Variants in RBM24 observed in about 807,000 individuals in gnomAD.
RBM24 encodes RNA-binding protein 24.
RBM24 carries 5 observed loss-of-function variants against 23.6 expected under a neutral mutation model. That is an observed-to-expected ratio of 0.21 (90% confidence interval 0.11 to 0.45). The LOEUF is 0.45. Ranked by LOEUF, RBM24 falls within the 20% of genes least tolerant of loss-of-function variation. The pLI, the probability that RBM24 is intolerant of heterozygous loss-of-function variation, is 0.99. For synonymous variants in RBM24, 151 were observed against 129.5 expected (o/e 1.17, Z -1.13); for missense variants, 252 against 314.6 (o/e 0.80, Z 1.51).
chr6:17,282,178 G>C, intron 1 of RBM24: 1 of 1,278,858 alleles, frequency 7.8e-7, no homozygotes, highest in Non-Finnish European at 1.0e-6. Flanking sequence ...GAGGTCTGGG[G>C]CTGTTGCCCT....
intron 1 of RBM24, chr6:17,282,352 C>G (rs1259569534): frequency 1.2e-6 from 1 of 862,772 alleles, no homozygotes; most frequent in South Asian, 1.4e-5. Flanking sequence ...AGGACAATAG[C>G]TATTGTCGTT....
chr6:17,282,470 G>T, intron 1 of RBM24: 1 of 471,158 alleles, frequency 2.1e-6, no homozygotes, highest in Non-Finnish European at 4.0e-6. Flanking sequence ...CGGGGGATTC[G>T]GGGGAAGGAG....
chr6:17,281,650 C>G lies in RBM24; in HGVS notation c.69C>G (p.Thr23=), dbSNP rs1760016628. Residue 23 remains threonine, a synonymous_variant, in exon 1 of 4, where the codon ACC becomes ACG. Transcript: ENST00000379052. This position sits in a 1 kb window ranked among gnomAD's most constrained non-coding sequence, Gnocchi z 7.1. ...IFVGGLPYHT[T]DASLRKYFEV... ...TCGGGGGGCTGCCCTACCACACCAC[C>G]GACGCCAGCCTGCGCAAGTACTTCG... 6.5e-7 allele frequency: 1 copy of G among 1,549,938 alleles called. No individual in the cohort carries two copies. The highest frequency in any genetic ancestry group is 8.7e-7 in the Non-Finnish European group (1 of 1,146,604).
chr6:17,282,484 C>G, intron 1 of RBM24: 1 of 475,066 alleles, frequency 2.1e-6, no homozygotes, highest in Non-Finnish European at 3.9e-6. Flanking sequence ...GAAGGAGGAT[C>G]TAGAGTTCCA....
chr6:17,281,566 C>G lies in RBM24; in HGVS notation c.-16C>G, dbSNP rs1273999939. 6.7e-7 allele frequency: 1 copy of G among 1,487,356 alleles called. No homozygotes were observed. The highest frequency in any genetic ancestry group is 8.9e-7 in the Non-Finnish European group (1 of 1,118,976). 92.1% of individuals were successfully genotyped at this position (1,487,356 alleles called of 1,614,324 possible). On this transcript the variant is annotated 5_prime_UTR_variant, in exon 1 of 4. Transcript: ENST00000379052. The surrounding 1 kb of genome is among the most constrained non-coding windows in gnomAD (Gnocchi z 7.1). ...GCAGCCGCAGCCGGAGCCCGAGCCG[C>G]GGGGCGGGTGCGAAGATGCACACGA... is the stretch of plus-strand genomic sequence containing the variant.
In RBM24 at chr6:17,282,953, C is replaced by T. The variant is rs199630612; in HGVS notation, c.292+25C>T. 495 of 1,554,462 alleles carry T rather than the reference C, an allele frequency of 3.2e-4. 3 individuals are homozygous for T. The African/African-American group carries it at 5.9e-3, about 19-fold the overall frequency. On this transcript the variant is annotated intron_variant, in intron 2 of 3. Coordinates refer to ENST00000379052, the MANE Select transcript of RBM24 (RefSeq NM_001143942.2). ...GGTGAGAAATGTCTGTCTCCCCTAC[C>T]CCCCTCTCCAAGAACCCCCCATTTA...
intron 3 of RBM24, among the ~76,000 whole-genome samples, chr6:17,290,686 G>C (rs977877500): frequency 6.6e-6 from 1 of 152,142 alleles, no homozygotes; most frequent in South Asian, 2.1e-4. Flanking sequence ...CTGCTAATTT[G>C]GAGGATGAAA....
chr6:17,284,296 A>T (rs1359442997), intron 2 of RBM24, among the ~76,000 whole-genome samples: 1 of 152,192 alleles, frequency 6.6e-6, no homozygotes, highest in Non-Finnish European at 1.5e-5. Flanking sequence ...CCAAATTACA[A>T]AGACTTTTCA....
Position 17,282,878 on chromosome 6 carries a change from C to T in RBM24, c.242C>T (p.Ala81Val). The T allele has an allele frequency of 6.2e-7, 1 of 1,614,040 alleles. No homozygotes were observed. The highest frequency in any genetic ancestry group is 8.5e-7 in the Non-Finnish European group (1 of 1,180,004). The change falls in exon 2 of 4, where the codon GCC becomes GTC. Residue 81 changes from alanine (A) to valine (V), a missense_variant. Transcript: ENST00000379052. ...AATCCCATCATTGATGGCAGAAAGG[C>T]CAACGTGAACCTGGCATACTTAGGA... ...DPNPIIDGRK[A>V]NVNLAYLGAK... is the part of the protein sequence containing the mutation.
At chr6:17,289,340 T>C in intron 3 of RBM24, 1 of 985,444 alleles carries the variant, frequency 1.0e-6, no homozygotes, top group Non-Finnish European at 1.2e-6. Context: ...TCCTTTTCCC[T>C]CTAAGCCTTA....
Position 17,282,885 on chromosome 6 carries a change from GA to G in RBM24, c.251del (p.Asn84ThrfsTer5). 6.2e-7 allele frequency: 1 copy of G among 1,614,126 alleles called. No homozygotes were observed. The highest frequency in any genetic ancestry group is 8.5e-7 in the Non-Finnish European group (1 of 1,180,032). ...PIIDGRKANV[N>X]LAYLGAKPRI... is the part of the protein sequence containing the mutation. Reference sequence around the variant, plus strand: ...TCATTGATGGCAGAAAGGCCAACGTGAACCTGGCATACTTAGGAGCAAAACC... The same window carrying G: ...TCATTGATGGCAGAAAGGCCAACGTGACCTGGCATACTTAGGAGCAAAACC... On this transcript the variant is annotated frameshift_variant, in exon 2 of 4. Transcript: ENST00000379052. LOFTEE classifies it high-confidence loss of function.
Position 17,291,831 on chromosome 6 carries a change from A to G in RBM24, c.423A>G (p.Ala141=), listed in dbSNP as rs768932093. 6.2e-7 allele frequency: 1 copy of G among 1,614,134 alleles called. No individual in the cohort carries two copies. Among genetic ancestry groups the G allele is most frequent in the Admixed American group, 1.7e-5 (1 of 60,010 alleles). ...TCATTCCACACGTCCAGCCGACAGC[A>G]GCTGCCGCCTCCACCACCCCTTACA... The part of the protein sequence containing the change: ...GVVIPHVQPT[A]AAASTTPYID... Residue 141 remains alanine (A), a synonymous_variant, in exon 4 of 4, where the codon GCA becomes GCG. Transcript: ENST00000379052.
In RBM24 at chr6:17,293,768, A is replaced by G. The variant is rs1204436456; in HGVS notation, c.*1649A>G. 6.5e-6 allele frequency: 1 copy of G among 152,682 alleles called. No individual in the cohort carries two copies. The highest frequency in any genetic ancestry group is 1.5e-5 in the Non-Finnish European group (1 of 68,042). 9.5% of individuals were successfully genotyped at this position (152,682 alleles called of 1,614,324 possible). ...CATACTAGACAGTGTTATGTAATGTAGACATGACTCTCCTGTGCAAATTAT... is the reference window on the plus strand; with the variant it reads ...CATACTAGACAGTGTTATGTAATGTGGACATGACTCTCCTGTGCAAATTAT... On this transcript the variant is annotated 3_prime_UTR_variant, in exon 4 of 4. Transcript: ENST00000379052.
chr6:17,291,808 A>C lies in RBM24; in HGVS notation c.400A>C (p.Ile134Leu). The change falls in exon 4 of 4, where the codon ATT becomes CTT. Residue 134 changes from isoleucine (I) to leucine (L), a missense_variant. Transcript: ENST00000379052. ...PQAFVQPGVV[I>L]PHVQPTAAAA... Reference sequence around the variant, plus strand: ...GGCTTTTGTGCAGCCGGGAGTGGTCATTCCACACGTCCAGCCGACAGCAGC... The same window carrying C: ...GGCTTTTGTGCAGCCGGGAGTGGTCCTTCCACACGTCCAGCCGACAGCAGC... 6.2e-7 allele frequency: 1 copy of C among 1,614,094 alleles called. No individual in the cohort carries two copies. Among genetic ancestry groups the C allele is most frequent in the Non-Finnish European group, 8.5e-7 (1 of 1,179,996 alleles).
rs995526209 is a variant in RBM24 at position 17,281,476 on chromosome 6, C to A, written c.-106C>A. On this transcript the variant is annotated 5_prime_UTR_variant, in exon 1 of 4. Coordinates refer to ENST00000379052, the MANE Select transcript of RBM24 (RefSeq NM_001143942.2). The surrounding 1 kb of genome is among the most constrained non-coding windows in gnomAD (Gnocchi z 7.1). The stretch of plus-strand genomic sequence containing the variant: ...CGCCCCCGGGCTCGCCCTTGGCCCC[C>A]GGCGGCCGCGAAAGGGTGCGGGAGA... 4.7e-6 allele frequency: 5 copies of A among 1,064,662 alleles called. No individual in the cohort carries two copies. Among genetic ancestry groups the A allele is most frequent in the Non-Finnish European group, 5.9e-6 (5 of 843,248 alleles). The allele number at this position is 1,064,662 out of a possible 1,614,324, so 66.0% of individuals were successfully genotyped here.
rs1760396324 is a variant in RBM24, at chr6:17,292,370, C to T, written c.*251C>T. 6.8e-6 allele frequency: 2 copies of T among 294,514 alleles called. No homozygotes were observed. Among genetic ancestry groups the T allele is most frequent in the African/African-American group, 2.2e-5 (1 of 46,320 alleles). 18.2% of individuals were successfully genotyped at this position (294,514 alleles called of 1,614,324 possible). A position where few individuals can be genotyped will look rare whatever the true frequency, so the allele number is the denominator to read the frequency against. On this transcript the variant is annotated 3_prime_UTR_variant, in exon 4 of 4. Transcript: ENST00000379052. ...AGCCTGAGTAAATGAAAGGCCACTA[C>T]GAAATGACGCCAGGAGTAACAACGG...
Position 17,281,986 on chromosome 6 carries a change from CA to C in RBM24, c.168+238del. Reference sequence around the variant, plus strand: ...AGGTCGGGGGCCGGGCAGGGCAGAGCAGGGGTGAAAGGAGAGACCTGTAATG... The same window carrying C: ...AGGTCGGGGGCCGGGCAGGGCAGAGCGGGGTGAAAGGAGAGACCTGTAATG... On this transcript the variant is annotated intron_variant, in intron 1 of 3. Transcript: ENST00000379052. The surrounding 1 kb of genome is among the most constrained non-coding windows in gnomAD (Gnocchi z 7.1). The C allele has an allele frequency of 7.3e-7, 1 of 1,366,816 alleles. No individual in the cohort carries two copies. 84.7% of individuals were successfully genotyped at this position (1,366,816 alleles called of 1,614,324 possible).
At position 17,282,048 on chromosome 6, in the gene RBM24, G is replaced by A. The variant is rs1024025859; in HGVS notation, c.168+299G>A. The A allele has an allele frequency of 6.3e-6, 8 of 1,276,136 alleles. No homozygotes were observed. In the African/African-American group the frequency reaches 1.1e-4, roughly 17 times the overall value. 79.1% of individuals were successfully genotyped at this position (1,276,136 alleles called of 1,614,324 possible). On this transcript the variant is annotated intron_variant, in intron 1 of 3. Coordinates refer to ENST00000379052, the MANE Select transcript of RBM24 (RefSeq NM_001143942.2). Reference sequence around the variant, plus strand: ...TTGGGGTGCGGAGGGTTGCGAGGGAGGGGCCGCAACCCTGAACAATTGCAT... The same window carrying A: ...TTGGGGTGCGGAGGGTTGCGAGGGAAGGGCCGCAACCCTGAACAATTGCAT...
chr6:17,283,977 A>G (rs964700817), intron 2 of RBM24, among the ~76,000 whole-genome samples: 1 of 152,182 alleles, frequency 6.6e-6, no homozygotes, highest in Non-Finnish European at 1.5e-5. Context: ...AAGCAAATAT[A>G]ATATTTTCTT....
Sources: gnomAD v4.1 joint callset for allele counts (sites outside exome capture counted in the v4.1 genomes callset) on GRCh38, gnomAD v4.1.1 for gene constraint, Gnocchi (gnomAD v3.1) non-coding constraint, MANE v1.5 for transcripts, NCBI Gene and HGNC (gene_info 2026-07-23, HGNC 2026-07-21) for gene names.